C3: variants seen among roughly 807,000 people sequenced by gnomAD.
The protein encoded by C3 is C3 and PZP-like alpha-2-macroglobulin domain-containing protein 1.
In C3, 97 loss-of-function variants were observed where a neutral mutation model predicts 207.9. The ratio of observed to expected loss-of-function variants is 0.47; its 90% CI spans 0.40 to 0.55. C3 has a LOEUF of 0.55. C3 is among the 20% of genes least tolerant of loss of function. The pLI is 0.00. For missense variants in C3, 1,684 were observed against 2,171.7 expected (o/e 0.78, Z 4.46); for synonymous variants, 848 against 857.6 (o/e 0.99, Z 0.20).
rs898820338 is a variant in C3 at position 6,714,465 on chromosome 19, A to G, written c.505-19T>C. The G allele has an allele frequency of 6.3e-7, 1 of 1,586,878 alleles. No homozygotes were observed. Among genetic ancestry groups the G allele is most frequent in the Admixed American group, 1.7e-5 (1 of 59,916 alleles). On this transcript the variant is annotated intron_variant, in intron 4 of 40. Coordinates refer to ENST00000245907, the MANE Select transcript of C3 (RefSeq NM_000064.4). Reference sequence around the variant, plus strand: ...CCGGGTTCTGTGGGAGGCAGGAGGGAAGGATAGAGGATAAAGTGGCTCTTC... The same window carrying G: ...CCGGGTTCTGTGGGAGGCAGGAGGGGAGGATAGAGGATAAAGTGGCTCTTC...
intron 14 of C3, among the ~76,000 whole-genome samples, chr19:6,708,526 T>C (rs1164262288): frequency 6.7e-6 from 1 of 149,366 alleles, no homozygotes; most frequent in Non-Finnish European, 1.5e-5. Context: ...CCTCCTTTCC[T>C]CCTTCCTTTG....
chr19:6,680,235 G>A lies in C3; in HGVS notation c.4379C>T (p.Ala1460Val). Reference protein sequence around the residue: ...KVSHSEDDCLAFKVHQYFNVE... With the variant: ...KVSHSEDDCLVFKVHQYFNVE... ...ATTAAAGTATTGGTGAACTTTGAAA[G>A]CTAGACAGTCATCCTCAGAGTGTGA... The change falls in exon 36 of 41, where the codon GCT becomes GTT. Residue 1460 changes from alanine (A) to valine (V), a missense_variant. Ala to Val is a moderately conservative substitution (Grantham distance 64). This residue lies in a region of C3 where 346 missense variants were observed against 380.1 expected (regional missense o/e 0.91). Coordinates refer to ENST00000245907, the MANE Select transcript of C3 (RefSeq NM_000064.4). 6.2e-7 allele frequency: 1 copy of A among 1,611,726 alleles called. No homozygotes were observed.
At chr19:6,679,818 AT>A (rs1917813884) in intron 36 of C3, among the ~76,000 whole-genome samples, 1 of 151,854 alleles carries the variant, frequency 6.6e-6, no homozygotes, top group Non-Finnish European at 1.5e-5. Context: ...CAACTCACAT[AT>A]TCCTAAGACC....
At chr19:6,689,680 T>C (rs1297796750) in intron 27 of C3, among the ~76,000 whole-genome samples, 1 of 151,940 alleles carries the variant, frequency 6.6e-6, no homozygotes, top group Non-Finnish European at 1.5e-5. Flanking sequence ...ACCCCATCTC[T>C]ACTAAAAATA....
At chr19:6,713,363 G>T in intron 8 of C3, 44 bp downstream of exon 8, 1 of 1,613,930 alleles carries the variant, frequency 6.2e-7, no homozygotes, top group Non-Finnish European at 8.5e-7. Flanking sequence ...CTCAGAGGTG[G>T]CGGGGACTGG....
At chr19:6,713,364 C>T (rs762591297) in intron 8 of C3, 43 bp downstream of exon 8, 34 of 1,613,602 alleles carry the variant, frequency 2.1e-5, no homozygotes, top group Middle Eastern at 1.6e-4. Context: ...TCAGAGGTGG[C>T]GGGGACTGGG....
chr19:6,710,037 G>C (rs923618191), intron 13 of C3, among the ~76,000 whole-genome samples, 195 bp from the exon 14 acceptor site: 3 of 144,686 alleles, frequency 2.1e-5, no homozygotes, highest in African/African-American at 7.8e-5. Flanking sequence ...GGGAGAGAGA[G>C]AGAAAGGGAG....
intron 19 of C3, among the ~76,000 whole-genome samples, chr19:6,698,124 C>G (rs1599510904): frequency 6.6e-6 from 1 of 152,074 alleles, no homozygotes; most frequent in Non-Finnish European, 1.5e-5. Context: ...TCAAGCAATT[C>G]TCCTGCCTCA....
chr19:6,714,694 T>A (rs528159889), intron 4 of C3, among the ~76,000 whole-genome samples: 116 of 152,218 alleles, frequency 7.6e-4, no homozygotes, highest in South Asian at 1.5e-3. Context: ...AAACCCTGTC[T>A]CTACTAAAAA....
chr19:6,691,413 T>G (rs421147), intron 26 of C3, among the ~76,000 whole-genome samples: 26,910 of 151,876 alleles, frequency 0.18, 2,839 homozygotes, highest in African/African-American at 0.3. Flanking sequence ...ATCGCAGCGA[T>G]AATGAACTGT....
intron 18 of C3, 116 bp from the exon 19 acceptor site, chr19:6,702,328 A>C: frequency 2.1e-6 from 2 of 942,506 alleles, no homozygotes; most frequent in South Asian, 1.3e-5. Flanking sequence ...GGGTGCCTCC[A>C]TGTAGGTCAC....
At chr19:6,715,196 C>T (rs1031858842) in intron 4 of C3, among the ~76,000 whole-genome samples, 21 of 152,026 alleles carry the variant, frequency 1.4e-4, no homozygotes, top group Admixed American at 4.6e-4. Flanking sequence ...TGTATTAGGG[C>T]GAGCGCAATG....
intron 35 of C3, among the ~76,000 whole-genome samples, chr19:6,680,738 A>T (rs914860929): frequency 2.0e-5 from 3 of 152,090 alleles, no homozygotes; most frequent in African/African-American, 7.2e-5. Context: ...TTTAGTAGCT[A>T]TTGTTACTTA....
Position 6,697,747 on chromosome 19 carries a change from A to G in C3, c.2488T>C (p.Phe830Leu). 1 of 1,613,998 alleles carries G rather than the reference A, an allele frequency of 6.2e-7. No homozygotes were observed. Among genetic ancestry groups the G allele is most frequent in the Non-Finnish European group, 8.5e-7 (1 of 1,179,960 alleles). Reference sequence around the variant, plus strand: ...GAGTAGGGTAGCCGCAGGTCGATGAAGAAGTCCTGCATTACTGTGACCTCG... The same window carrying G: ...GAGTAGGGTAGCCGCAGGTCGATGAGGAAGTCCTGCATTACTGTGACCTCG... The part of the protein sequence containing the change: ...PFEVTVMQDF[F>L]IDLRLPYSVV... The change falls in exon 20 of 41, where the codon TTC becomes CTC. Residue 830 changes from phenylalanine to leucine, a missense_variant. Physicochemically the swap from Phe to Leu is conservative, Grantham distance 22 (BLOSUM62 0). Around this residue, in one of 3 missense-constraint regions of C3, gnomAD observed 1,280 missense variants for 1,739.1 expected, o/e 0.74. Transcript: ENST00000245907.
At chr19:6,689,755 G>C (rs1894946656) in intron 27 of C3, among the ~76,000 whole-genome samples, 1 of 152,106 alleles carries the variant, frequency 6.6e-6, no homozygotes, top group African/African-American at 2.4e-5. Flanking sequence ...GCCACGCCAG[G>C]CAGATCACCT....
At chr19:6,702,439 G>A (rs1967695552) in intron 18 of C3, 32 bp downstream of exon 18, 1 of 1,383,618 alleles carries the variant, frequency 7.2e-7, no homozygotes, top group Non-Finnish European at 1.0e-6. Flanking sequence ...CTGACTCTGG[G>A]GTGGGTTGTA....
chr19:6,698,171 C>T (rs1967580647), intron 19 of C3, among the ~76,000 whole-genome samples: 1 of 151,990 alleles, frequency 6.6e-6, no homozygotes, highest in Non-Finnish European at 1.5e-5. Context: ...CACGCACCAC[C>T]ATGTCCAGCT....
In C3 at chr19:6,707,054, GT is replaced by G. The variant is rs777282742; in HGVS notation, c.2245+21del. On this transcript the variant is annotated intron_variant, in intron 17 of 40. Coordinates refer to ENST00000245907, the MANE Select transcript of C3 (RefSeq NM_000064.4). ...CCCCATCAGACGGCCCCCTCCCCCT[GT>G]CCCCACCCCGTGGGACCTACTCCTG... is the stretch of plus-strand genomic sequence containing the variant. 2.1e-6 allele frequency: 3 copies of G among 1,447,242 alleles called. No homozygotes were observed. In the Admixed American group the frequency reaches 5.8e-5, roughly 28 times the overall value. The allele number at this position is 1,447,242 out of a possible 1,614,324, so 89.7% of individuals were successfully genotyped here.
rs374395215 is a variant in C3 at position 6,678,121 on chromosome 19, G to T, written c.4850+31C>A. The T allele has an allele frequency of 1.6e-5, 26 of 1,613,934 alleles. No homozygotes were observed. In the African/African-American group the frequency reaches 3.2e-4, roughly 20 times the overall value. On this transcript the variant is annotated intron_variant, in intron 40 of 40. Transcript: ENST00000245907. ...CGTGGCATGGGCGGGGCAGTCGGGC[G>T]GTCGCGCGCACGCGCAGGGAAAGCA...
Sources: allele counts gnomAD v4.1 joint callset (sites outside exome capture counted in the v4.1 genomes callset), GRCh38; gene constraint gnomAD v4.1.1; regional missense constraint gnomAD v4.1.1; transcripts MANE v1.5; gene names NCBI Gene and HGNC (gene_info 2026-07-23, HGNC 2026-07-21).